The following WDFY4 variants were observed in gnomAD, a reference collection of about 807,000 sequenced individuals.
WDFY4 encodes WD repeat- and FYVE domain-containing protein 4.
WDFY4 carries 169 observed loss-of-function variants against 351.9 expected under a neutral mutation model. That is an observed-to-expected ratio of 0.48 (90% CI 0.42 to 0.55). WDFY4 has a LOEUF of 0.55. Ranked by LOEUF, WDFY4 falls within the 20% of genes least tolerant of loss-of-function variation. WDFY4 has a pLI of 0.00. For missense variants in WDFY4, 3,803 were observed against 3,935.6 expected (o/e 0.97, Z 0.90); for synonymous variants, 1,622 against 1,574.6 (o/e 1.03, Z -0.71).
intron 39 of WDFY4, among the ~76,000 whole-genome samples, chr10:48,839,586 G>A (rs183618906): frequency 0.031 from 4,715 of 152,266 alleles, 254 homozygotes; most frequent in African/African-American, 0.11. Context: ...CAGGAAAGCA[G>A]AAAGGCCAGC....
intron 47 of WDFY4, chr10:48,913,715 G>A (rs41283291): frequency 0.13 from 204,219 of 1,612,568 alleles, 13,973 homozygotes; most frequent in Middle Eastern, 0.21. Context: ...GCCCTACCTC[G>A]TGGAGCTCCT....
chr10:48,912,536 G>A (rs1165161558), intron 47 of WDFY4, among the ~76,000 whole-genome samples: 1 of 152,204 alleles, frequency 6.6e-6, no homozygotes, highest in African/African-American at 2.4e-5. Context: ...GTGGTGCTCT[G>A]CCCCATCTCA....
At position 48,810,672 on chromosome 10, in the gene WDFY4, A is replaced by G. The variant is rs1210855271; in HGVS notation, c.4981A>G (p.Arg1661Gly). Residue 1661 changes from arginine (R) to glycine (G), a missense_variant, in exon 29 of 62, where the codon AGA (arginine) becomes GGA (glycine). By Grantham distance (125) the Arg-to-Gly change is moderately radical. Transcript: ENST00000325239. ...AAGCCCCTCCCTCCGCACACGGTTT[A>G]GAGATGGCCTGTGTGCAGGATCCTG... ...LASPSLRTRF[R>G]DGLCAGSWVE... The G allele has an allele frequency of 1.9e-6, 3 of 1,551,460 alleles. No individual in the cohort carries two copies. Among genetic ancestry groups the G allele is most frequent in the Non-Finnish European group, 2.6e-6 (3 of 1,146,954 alleles).
chr10:48,976,487 ATC>A, intron 58 of WDFY4: 1 of 208,180 alleles, frequency 4.8e-6, no homozygotes, highest in East Asian at 9.9e-5. Context: ...TTCAGGCTGG[ATC>A]TTCTGTGGCA....
intron 5 of WDFY4, among the ~76,000 whole-genome samples, chr10:48,724,504 G>A (rs1015705737): frequency 1.2e-4 from 18 of 152,068 alleles, no homozygotes; most frequent in African/African-American, 4.1e-4. Context: ...TGGAGGCCAG[G>A]ACGCTGCACC....
chr10:48,824,548 AC>A (rs2067932949), intron 35 of WDFY4, among the ~76,000 whole-genome samples: 1 of 152,184 alleles, frequency 6.6e-6, no homozygotes, highest in South Asian at 2.1e-4. Flanking sequence ...ACAAATTTTC[AC>A]CCAAATTCTG....
chr10:48,975,772 G>A (rs947474661), intron 58 of WDFY4, among the ~76,000 whole-genome samples: 5 of 152,098 alleles, frequency 3.3e-5, no homozygotes, highest in Non-Finnish European at 7.4e-5. Context: ...ATAGATGGAT[G>A]GACGGGTGGA....
chr10:48,914,173 G>A lies in WDFY4; in HGVS notation c.7586+12310G>A, dbSNP rs183102845. The stretch of plus-strand genomic sequence containing the variant: ...TTAACCATGTTCTTTTAGTAAGGGA[G>A]TGTTAGAAGTTTATTGTTCTGATTG... On this transcript the variant is annotated intron_variant, in intron 47 of 61. Transcript: ENST00000325239. The A allele has an allele frequency of 1.1e-4, 171 of 1,604,306 alleles. No homozygotes were observed. The African/African-American group carries it at 2.0e-3, about 19-fold the overall frequency.
intron 47 of WDFY4, chr10:48,909,921 A>G: frequency 3.0e-6 from 1 of 335,690 alleles, no homozygotes; most frequent in Admixed American, 4.3e-5. Context: ...TAGAGGCAGT[A>G]AGCCTTTTAA....
intron 53 of WDFY4, among the ~76,000 whole-genome samples, chr10:48,960,139 G>T (rs1841793241): frequency 6.6e-6 from 1 of 152,228 alleles, no homozygotes; most frequent in Admixed American, 6.5e-5. Flanking sequence ...TGACTGCTCA[G>T]CATAGTTCAG....
At chr10:48,818,235 G>A (rs1565233161) in intron 32 of WDFY4, among the ~76,000 whole-genome samples, 1 of 152,208 alleles carries the variant, frequency 6.6e-6, no homozygotes, top group Non-Finnish European at 1.5e-5. Flanking sequence ...TGTAGCTAAA[G>A]GAGCATATTT....
At chr10:48,900,171 T>C in intron 45 of WDFY4, 50 bp from the exon 46 acceptor site, 1 of 1,509,308 alleles carries the variant, frequency 6.6e-7, no homozygotes, top group Non-Finnish European at 9.0e-7. Context: ...CCCTGGGGCG[T>C]CTCTAGTCCA....
intron 47 of WDFY4, chr10:48,914,355 G>A: frequency 5.0e-6 from 3 of 598,450 alleles, no homozygotes; most frequent in Non-Finnish European, 8.6e-6. Context: ...AGAGAAGTCA[G>A]GGCAAAGTGG....
intron 21 of WDFY4, 131 bp from the exon 22 acceptor site, chr10:48,789,743 A>G (rs2066615373): frequency 5.1e-6 from 4 of 778,384 alleles, no homozygotes; most frequent in Non-Finnish European, 8.4e-6. Flanking sequence ...ATTGCTATTC[A>G]TTCCATGATC....
At position 48,786,766 on chromosome 10, in the gene WDFY4, G is replaced by A. The variant is rs779075586; in HGVS notation, c.3704G>A (p.Gly1235Asp). The A allele has an allele frequency of 1.3e-6, 2 of 1,552,344 alleles. No individual in the cohort carries two copies. Among genetic ancestry groups the A allele is most frequent in the Non-Finnish European group, 1.7e-6 (2 of 1,147,124 alleles). The stretch of plus-strand genomic sequence containing the variant: ...AAGTCTTCATTAATCTGGCGTCTTG[G>A]CCCCACATACCTCTTTGAAGAAGCC... The part of the protein sequence containing the change: ...KQKSSLIWRL[G>D]PTYLFEEAIS... Residue 1235 changes from glycine (G) to aspartate (D), a missense_variant, in exon 20 of 62, where the codon GGC (glycine) becomes GAC (aspartate). Gly to Asp is a moderately conservative substitution (Grantham distance 94). Around this residue, in one of 3 missense-constraint regions of WDFY4, gnomAD observed 3,054 missense variants for 3,148.6 expected, o/e 0.97. Coordinates refer to ENST00000325239, the MANE Select transcript of WDFY4 (RefSeq NM_001394531.1).
intron 47 of WDFY4, among the ~76,000 whole-genome samples, chr10:48,921,673 A>G (rs1839095459): frequency 6.6e-6 from 1 of 152,226 alleles, no homozygotes; most frequent in East Asian, 1.9e-4. Flanking sequence ...AATCATATAT[A>G]TCATAGATAT....
intron 2 of WDFY4, 40 bp downstream of exon 2, chr10:48,710,006 C>T: frequency 6.7e-7 from 1 of 1,493,802 alleles, no homozygotes; most frequent in Non-Finnish European, 9.0e-7. Flanking sequence ...GTGATAGGCG[C>T]TCTGGGACAC....
chr10:48,780,917 A>G (rs2066199564), intron 19 of WDFY4, among the ~76,000 whole-genome samples: 1 of 152,182 alleles, frequency 6.6e-6, no homozygotes, highest in Non-Finnish European at 1.5e-5. Flanking sequence ...ACAACTTACT[A>G]ATGTTTGTAA....
intron 1 of WDFY4, among the ~76,000 whole-genome samples, chr10:48,707,326 G>A (rs1426556316): frequency 6.6e-6 from 1 of 152,186 alleles, no homozygotes; most frequent in Non-Finnish European, 1.5e-5. Flanking sequence ...GGGGGAGATG[G>A]CCTGATGCCC....
Sources: allele counts gnomAD v4.1 joint callset (sites outside exome capture counted in the v4.1 genomes callset), GRCh38; gene constraint gnomAD v4.1.1; regional missense constraint gnomAD v4.1.1; transcripts MANE v1.5; gene names NCBI Gene and HGNC (gene_info 2026-07-23, HGNC 2026-07-21).